The following UHRF1 variants were observed in gnomAD, a reference collection of about 807,000 sequenced individuals.
UHRF1 encodes the protein ubiquitin like with PHD and ring finger domains 1, also known as E3 ubiquitin-protein ligase UHRF1.
A neutral mutation model predicts 96.5 loss-of-function variants in UHRF1; 9 were observed. The ratio of observed to expected loss-of-function variants is 0.09; its 90% CI spans 0.06 to 0.16. The LOEUF (loss-of-function observed/expected upper bound fraction) is 0.16, where lower values mean the gene tolerates loss of function less well. UHRF1 is among the 10% of genes least tolerant of loss of function. UHRF1 has a pLI of 1.00. For missense variants in UHRF1, 626 were observed against 1,131.1 expected, an observed-to-expected ratio of 0.55 and a Z score of 6.40; for synonymous variants, 455 against 469.9, an observed-to-expected ratio of 0.97 and a Z score of 0.41.
chr19:4,932,670 C>A, intron 4 of UHRF1, 71 bp from the exon 5 acceptor site: 1 of 1,550,142 alleles, frequency 6.5e-7, no homozygotes, highest in South Asian at 1.2e-5. Flanking sequence ...CGTCCCACCT[C>A]GGCTCGTTTC....
At chr19:4,913,252 C>CTTTTTTT (rs4022195) in intron 2 of UHRF1, among the ~76,000 whole-genome samples, 4 of 111,200 alleles carry the variant, frequency 3.6e-5, no homozygotes, top group African/African-American at 7.5e-5. Context: ...GTACATTGTG[C>CTTTTTTT]TTTTTTTTTT....
Position 4,950,603 on chromosome 19 carries a change from C to T in UHRF1, c.1518-8C>T. 1.2e-6 allele frequency: 2 copies of T among 1,610,674 alleles called. No homozygotes were observed. The highest frequency in any genetic ancestry group is 1.7e-6 in the Non-Finnish European group (2 of 1,179,312). ...CTATAATGCGTGGGGTCCTGACTCT[C>T]CCTGCAGGGCGCTGGCTCTCAACTG... On this transcript the variant is annotated splice_polypyrimidine_tract_variant and splice_region_variant and intron_variant, in intron 11 of 16. Transcript: ENST00000650932.
intron 11 of UHRF1, 79 bp from the exon 12 acceptor site, chr19:4,950,532 C>T (rs561161340): frequency 6.8e-7 from 1 of 1,480,458 alleles, no homozygotes; most frequent in Admixed American, 2.3e-5. Flanking sequence ...GCCTGAGCCA[C>T]CACTCCCGGC....
chr19:4,933,537 G>T (rs1419613224), intron 5 of UHRF1, among the ~76,000 whole-genome samples: 1 of 152,060 alleles, frequency 6.6e-6, no homozygotes, highest in African/African-American at 2.4e-5. Flanking sequence ...TTTCTCTCTT[G>T]TTTGTTTCAA....
chr19:4,947,544 AGGCTAGAGTGCAGT>A (rs1170032128), intron 11 of UHRF1, among the ~76,000 whole-genome samples: 1 of 113,580 alleles, frequency 8.8e-6, no homozygotes, highest in Non-Finnish European at 1.6e-5. Context: ...TCTGTTGCCC[AGGCTAGAGTGCAGT>A]GGTGCACTCT....
chr19:4,961,623 A>G lies in UHRF1; in HGVS notation c.*820A>G, dbSNP rs1045982698. 9 of 151,130 alleles carry G rather than the reference A, an allele frequency of 6.0e-5. No homozygotes were observed. The highest frequency in any genetic ancestry group is 2.0e-4 in the Admixed American group (3 of 15,016). The allele number at this position is 151,130 out of a possible 1,614,324, so 9.4% of individuals were successfully genotyped here. On this transcript the variant is annotated 3_prime_UTR_variant, in exon 17 of 17. Coordinates refer to ENST00000650932, the MANE Select transcript of UHRF1 (RefSeq NM_001048201.3). ...AAAGACGACAGTCTTTGTTGTTAGCACTGAATTATTGAAAATGTCAACCAG... is the reference window on the plus strand; with the variant it reads ...AAAGACGACAGTCTTTGTTGTTAGCGCTGAATTATTGAAAATGTCAACCAG...
In UHRF1 at chr19:4,960,723, C is replaced by T. The variant is rs528236240; in HGVS notation, c.2302C>T (p.Arg768Cys). 31 of 1,572,414 alleles carry T rather than the reference C, an allele frequency of 2.0e-5. No individual in the cohort carries two copies. The South Asian group carries it at 2.2e-4, about 11-fold the overall frequency. ...SCPACRYDLG[R>C]SYAMQVNQPL... ...CCCTGCCTGCCGCTACGACCTGGGCCGCAGCTATGCCATGCAGGTGAACCA... is the reference window on the plus strand; with the variant it reads ...CCCTGCCTGCCGCTACGACCTGGGCTGCAGCTATGCCATGCAGGTGAACCA... Residue 768 changes from arginine (R) to cysteine (C), a missense_variant, in exon 17 of 17, where the codon CGC becomes TGC. By Grantham distance (180) the Arg-to-Cys change is radical. Around this residue, in one of 11 missense-constraint regions of UHRF1, gnomAD observed 84 missense variants for 150.3 expected, o/e 0.56. Transcript: ENST00000650932.
Position 4,941,898 on chromosome 19 carries a change from C to T in UHRF1, c.1040C>T (p.Pro347Leu). 1.3e-6 allele frequency: 2 copies of T among 1,536,192 alleles called. No homozygotes were observed. Among genetic ancestry groups the T allele is most frequent in the Non-Finnish European group, 1.8e-6 (2 of 1,139,958 alleles). The change falls in exon 7 of 17, where the codon CCG becomes CTG. Residue 347 changes from proline to leucine, a missense_variant. Pro to Leu is a moderately conservative substitution (Grantham distance 98, BLOSUM62 -3). Around this residue, in one of 11 missense-constraint regions of UHRF1, gnomAD observed 69 missense variants for 159.8 expected, o/e 0.43. Coordinates refer to ENST00000650932, the MANE Select transcript of UHRF1 (RefSeq NM_001048201.3). ...DMAFHIYCLDPPLSSVPSEDE... is the reference protein window; with the variant it reads ...DMAFHIYCLDLPLSSVPSEDE... ...GCCTTCCACATCTACTGCCTGGACC[C>T]GCCCCTCAGCAGTGTTCCCAGCGAG...
At chr19:4,923,991 G>C (rs1247324795) in intron 2 of UHRF1, among the ~76,000 whole-genome samples, 2 of 152,130 alleles carry the variant, frequency 1.3e-5, no homozygotes, top group Non-Finnish European at 2.9e-5. Context: ...TTTTAAGACG[G>C]AGTCTCATTC....
At chr19:4,942,510 A>G (rs1568424767) in intron 7 of UHRF1, among the ~76,000 whole-genome samples, 2 of 146,592 alleles carry the variant, frequency 1.4e-5, no homozygotes, top group East Asian at 2.1e-4. Flanking sequence ...GTCTAATGGC[A>G]CGATCTTGGC....
intron 2 of UHRF1, among the ~76,000 whole-genome samples, chr19:4,919,974 C>T (rs1001243004): frequency 2.6e-5 from 4 of 151,822 alleles, no homozygotes; most frequent in Admixed American, 2.6e-4. Context: ...CCCACCACCA[C>T]GCCTGGCTAA....
At chr19:4,945,742 A>G in intron 9 of UHRF1, 119 bp from the exon 10 acceptor site, 1 of 743,610 alleles carries the variant, frequency 1.3e-6, no homozygotes, top group African/African-American at 1.8e-5. Context: ...CGCAGGCCTG[A>G]GGAGTTTGGT....
chr19:4,929,112 GC>G (rs5826865), intron 2 of UHRF1, 109 bp from the exon 3 acceptor site: 372,954 of 1,286,890 alleles, frequency 0.29, 48,675 homozygotes, highest in Admixed American at 0.41. Context: ...GATGCAGATT[GC>G]CCCCCCCCCA....
At chr19:4,959,132 C>A (rs2033928910) in intron 16 of UHRF1, among the ~76,000 whole-genome samples, 1 of 151,904 alleles carries the variant, frequency 6.6e-6, no homozygotes, top group Non-Finnish European at 1.5e-5. Flanking sequence ...CAGGCATACA[C>A]CACCATGGCC....
intron 1 of UHRF1, among the ~76,000 whole-genome samples, chr19:4,904,097 C>T (rs1284873480): frequency 2.0e-5 from 3 of 151,634 alleles, no homozygotes; most frequent in Admixed American, 6.6e-5. Flanking sequence ...CTGCCTCAGC[C>T]TCCCAAGTAG....
intron 4 of UHRF1, among the ~76,000 whole-genome samples, chr19:4,931,080 TC>T (rs2033036996): frequency 6.6e-6 from 1 of 152,162 alleles, no homozygotes. Flanking sequence ...CTCCTGTGTC[TC>T]CGCGGAGGGT....
At chr19:4,912,888 T>G (rs539981057) in intron 2 of UHRF1, among the ~76,000 whole-genome samples, 6 of 152,202 alleles carry the variant, frequency 3.9e-5, no homozygotes, top group African/African-American at 1.4e-4. Flanking sequence ...GCCTCCCAAG[T>G]AGCTAGGACT....
chr19:4,911,581 G>GGCTGCT (rs765192916), intron 2 of UHRF1, among the ~76,000 whole-genome samples: 4 of 152,154 alleles, frequency 2.6e-5, no homozygotes, highest in Non-Finnish European at 5.9e-5. Flanking sequence ...GCTGTGCTGC[G>GGCTGCT]GCTGCTGCTG....
Position 4,940,359 on chromosome 19 carries a change from A to ATTT in UHRF1, c.786-1147_786-1145dup, listed in dbSNP as rs543779456. 7.9e-3 allele frequency among the ~76,000 whole-genome samples: 528 copies of ATTT among 67,038 alleles called. 21 individuals are homozygous for ATTT. The highest frequency in any genetic ancestry group is 9.7e-3 in the Non-Finnish European group (359 of 36,888). 44.0% of individuals were successfully genotyped at this position (67,038 alleles called of 152,430 possible). On this transcript the variant is annotated intron_variant, in intron 5 of 16. Coordinates refer to ENST00000650932, the MANE Select transcript of UHRF1 (RefSeq NM_001048201.3). ...CATTGGATCAAGCGTTGCCTTTATG[A>ATTT]TTTTTTTTTTTTTTTTTTTTTTTTG...
Sources: gnomAD v4.1 joint callset for allele counts (sites outside exome capture counted in the v4.1 genomes callset) on GRCh38, gnomAD v4.1.1 for gene constraint, gnomAD v4.1.1 regional missense constraint, MANE v1.5 for transcripts, NCBI Gene and HGNC (gene_info 2026-07-23, HGNC 2026-07-21) for gene names.